Variants in CYGB observed in about 807,000 individuals in gnomAD.
CYGB encodes histoglobin.
CYGB carries 13 observed loss-of-function variants against 20.7 expected under a neutral mutation model. The ratio of observed to expected loss-of-function variants is 0.63; its 90% confidence interval spans 0.41 to 1.00. CYGB has a LOEUF of 1.00. CYGB is among the 50% of genes least tolerant of loss of function. CYGB has a pLI of 0.00. For synonymous variants in CYGB, 93 were observed against 107.4 expected, an observed-to-expected ratio of 0.87 and a Z score of 0.83; for missense variants, 218 against 257.2, an observed-to-expected ratio of 0.85 and a Z score of 1.04.
chr17:76,539,524 C>G (rs779913749), upstream of CYGB, among the ~76,000 whole-genome samples: 1 of 152,204 alleles, frequency 6.6e-6, no homozygotes, highest in African/African-American at 2.4e-5. Flanking sequence ...TGTTGAGTCT[C>G]CCGTCTCTCT....
chr17:76,531,054 C>G lies in CYGB; in HGVS notation c.464G>C (p.Arg155Pro), dbSNP rs200693197. The stretch of plus-strand genomic sequence containing the variant: ...GGTCACGTGGCTGTAGATGAGGCCA[C>G]GCAGCTTGGCCCAGGCTCTCTGCGT... Reference protein sequence around the residue: ...PETQRAWAKLRGLIYSHVTAA... With the variant: ...PETQRAWAKLPGLIYSHVTAA... The change falls in exon 3 of 4, where the codon CGT (arginine) becomes CCT (proline). Residue 155 changes from arginine to proline, a missense_variant. By Grantham distance (103) the Arg-to-Pro change is moderately radical (BLOSUM62 -2). Coordinates refer to ENST00000293230, the MANE Select transcript of CYGB (RefSeq NM_134268.5). The surrounding 1 kb of genome is among the most constrained non-coding windows in gnomAD (Gnocchi z 7.4). The G allele has an allele frequency of 4.3e-6, 7 of 1,613,652 alleles. No homozygotes were observed. The highest frequency in any genetic ancestry group is 4.2e-6 in the Non-Finnish European group (5 of 1,179,934).
rs2074818200 is a variant in CYGB, at chr17:76,530,121, G to A, written c.539+858C>T. The A allele has an allele frequency of 6.1e-6, 6 of 981,522 alleles. No homozygotes were observed. The Admixed American group carries it at 2.5e-4, about 40-fold the overall frequency. The allele number at this position is 981,522 out of a possible 1,614,324, so 60.8% of individuals were successfully genotyped here. ...ACTGCTGGGAATGTTTCTCTACCAC[G>A]GGAATGTTTCTCTACCACGCGTGTC... is the stretch of plus-strand genomic sequence containing the variant. On this transcript the variant is annotated intron_variant, in intron 3 of 3. Transcript: ENST00000293230. This position sits in a 1 kb window ranked among gnomAD's most constrained non-coding sequence, Gnocchi z 6.1.
chr17:76,542,787 T>C (rs566962414), intron 1 of CYGB, among the ~76,000 whole-genome samples: 45 of 152,330 alleles, frequency 3.0e-4, no homozygotes, highest in Middle Eastern at 3.4e-3. Context: ...CTCATGCCTT[T>C]GGCTGCTACC....
intron 1 of CYGB, among the ~76,000 whole-genome samples, chr17:76,534,628 C>A (rs1008457050): frequency 6.6e-6 from 1 of 152,246 alleles, no homozygotes; most frequent in African/African-American, 2.4e-5. Context: ...TAATCCCCAT[C>A]CTATGAATTA....
At position 76,528,784 on chromosome 17, in the gene CYGB, C is replaced by G. The variant is rs549032633; in HGVS notation, c.540-173G>C. The G allele has an allele frequency of 9.8e-7, 1 of 1,016,450 alleles. No homozygotes were observed. The highest frequency in any genetic ancestry group is 1.3e-6 in the Non-Finnish European group (1 of 786,384). 63.0% of individuals were successfully genotyped at this position (1,016,450 alleles called of 1,614,324 possible). A position where few individuals can be genotyped will look rare whatever the true frequency, so the allele number is the denominator to read the frequency against. ...GTTCTAGTCTCCGTCCTGCTACGAA[C>G]GTGCTGTGTGATCTCAGGCAAGTCT... On this transcript the variant is annotated intron_variant, in intron 3 of 3. Transcript: ENST00000293230. This position sits in a 1 kb window ranked among gnomAD's most constrained non-coding sequence, Gnocchi z 5.8.
chr17:76,527,632 G>T lies in CYGB; in HGVS notation c.*946C>A, dbSNP rs1336767901. The stretch of plus-strand genomic sequence containing the variant: ...CCAGGAGGAGGGTGGGGTGGGGAAA[G>T]CCCTCGGCCCTCGGAGCTGAGGGTG... On this transcript the variant is annotated 3_prime_UTR_variant, in exon 4 of 4. Coordinates refer to ENST00000293230, the MANE Select transcript of CYGB (RefSeq NM_134268.5). 1 of 453,816 alleles carries T rather than the reference G, an allele frequency of 2.2e-6. No individual in the cohort carries two copies. The highest frequency in any genetic ancestry group is 4.4e-6 in the Non-Finnish European group (1 of 226,566). The allele number at this position is 453,816 out of a possible 1,614,324, so 28.1% of individuals were successfully genotyped here.
chr17:76,537,593 C>A lies in CYGB; in HGVS notation c.-51G>T. The A allele has an allele frequency of 9.5e-7, 1 of 1,047,798 alleles. No individual in the cohort carries two copies. Among genetic ancestry groups the A allele is most frequent in the Non-Finnish European group, 1.1e-6 (1 of 870,490 alleles). 64.9% of individuals were successfully genotyped at this position (1,047,798 alleles called of 1,614,324 possible). ...TTGCTCGGCGGCGGCGGTGGCGGGG[C>A]GCGGGGCGCGGGGCGCGGGGCGCCG... On this transcript the variant is annotated 5_prime_UTR_variant, in exon 1 of 4. Transcript: ENST00000293230.
Position 76,528,109 on chromosome 17 carries a change from T to G in CYGB, c.*469A>C. Reference sequence around the variant, plus strand: ...GGGCGCCGCGGATACACATTCTAGATATGTATGTGTGTATATATATATGTA... The same window carrying G: ...GGGCGCCGCGGATACACATTCTAGAGATGTATGTGTGTATATATATATGTA... On this transcript the variant is annotated 3_prime_UTR_variant, in exon 4 of 4. Coordinates refer to ENST00000293230, the MANE Select transcript of CYGB (RefSeq NM_134268.5). This position sits in a 1 kb window ranked among gnomAD's most constrained non-coding sequence, Gnocchi z 5.8. 1.2e-5 allele frequency: 5 copies of G among 407,440 alleles called. No individual in the cohort carries two copies. Among genetic ancestry groups the G allele is most frequent in the Non-Finnish European group, 2.2e-5 (5 of 225,840 alleles). The allele number at this position is 407,440 out of a possible 1,614,324, so 25.2% of individuals were successfully genotyped here.
intron 1 of CYGB, chr17:76,543,961 C>A (rs749101962): frequency 8.6e-6 from 4 of 466,730 alleles, no homozygotes; most frequent in South Asian, 6.2e-5. Context: ...GTGTTCCAAA[C>A]GGGCAGTAGC....
intron 3 of CYGB, chr17:76,529,327 G>A (rs1021820396): frequency 7.1e-6 from 7 of 985,332 alleles, no homozygotes; most frequent in Non-Finnish European, 7.2e-6. Context: ...CCCCCATGGG[G>A]TGCCAGTTTC....
chr17:76,544,448 G>A (rs1218542013), intron 1 of CYGB: 3 of 455,106 alleles, frequency 6.6e-6, no homozygotes, highest in Admixed American at 2.3e-5. Context: ...CGCTGGGGAG[G>A]GCCTGCTGGT....
upstream of CYGB, among the ~76,000 whole-genome samples, chr17:76,541,934 G>GAAAAA: frequency 6.6e-6 from 1 of 152,312 alleles, no homozygotes; most frequent in South Asian, 2.1e-4. Flanking sequence ...CTCCATAAAT[G>GAAAAA]CTAGCAGCTG....
At chr17:76,534,146 T>TCTCTCTCTCTCTCTCTCTCTCTCTC (rs2074885915) in intron 1 of CYGB, among the ~76,000 whole-genome samples, 1 of 128,902 alleles carries the variant, frequency 7.8e-6, no homozygotes, top group South Asian at 2.8e-4. Flanking sequence ...CTCTTTCTCT[T>TCTCTCTCTCTCTCTCTCTCTCTCTC]TCTCTCTCTC....
chr17:76,544,616 C>A (rs1331881344), intron 1 of CYGB: 1 of 456,676 alleles, frequency 2.2e-6, no homozygotes, highest in African/African-American at 2.0e-5. Flanking sequence ...CCCGTGATCG[C>A]CTGTCTCAGC....
intron 1 of CYGB, chr17:76,545,406 T>C (rs781746365): frequency 3.1e-5 from 14 of 456,116 alleles, no homozygotes; most frequent in African/African-American, 2.6e-4. Flanking sequence ...TTTTCATCCC[T>C]TTCCTTGCAA....
In CYGB at chr17:76,533,947, G is replaced by A. The variant is rs1188681812; in HGVS notation, c.144-2256C>T. 6.6e-6 allele frequency among the ~76,000 whole-genome samples: 1 copy of A among 151,764 alleles called. No individual in the cohort carries two copies. Among genetic ancestry groups the A allele is most frequent in the Non-Finnish European group, 1.5e-5 (1 of 67,970 alleles). On this transcript the variant is annotated intron_variant, in intron 1 of 3. Transcript: ENST00000293230. This position sits in a 1 kb window ranked among gnomAD's most constrained non-coding sequence, Gnocchi z 4.5. Reference sequence around the variant, plus strand: ...TTGGGAGGCTGCAGCAGGAAGATCCGATCGCATCACGAGCCCAGGATTGGA... The same window carrying A: ...TTGGGAGGCTGCAGCAGGAAGATCCAATCGCATCACGAGCCCAGGATTGGA...
upstream of CYGB, chr17:76,538,554 G>A (rs1270464667): frequency 2.2e-6 from 1 of 463,618 alleles, no homozygotes; most frequent in East Asian, 7.5e-5. Context: ...TGGTGGCGGA[G>A]GAAGTCCAGA....
intron 3 of CYGB, chr17:76,529,647 G>T: frequency 1.0e-6 from 1 of 985,394 alleles, no homozygotes; most frequent in Non-Finnish European, 1.2e-6. Flanking sequence ...GGGGAGAGGG[G>T]TGGGAGGGCA....
intron 1 of CYGB, among the ~76,000 whole-genome samples, chr17:76,548,156 CACAT>C (rs1227973987): frequency 1.3e-5 from 2 of 151,874 alleles, no homozygotes; most frequent in Non-Finnish European, 2.9e-5. Flanking sequence ...TACACATTCA[CACAT>C]ACACACACAC....
Sources: allele counts gnomAD v4.1 joint callset (sites outside exome capture counted in the v4.1 genomes callset), GRCh38; gene constraint gnomAD v4.1.1; non-coding constraint Gnocchi (gnomAD v3.1); transcripts MANE v1.5; gene names NCBI Gene and HGNC (gene_info 2026-07-23, HGNC 2026-07-21).